The following MMUT variants were observed in gnomAD, a reference collection of about 807,000 sequenced individuals.
MMUT encodes the protein methylmalonyl-CoA mutase, also known as methylmalonyl-CoA mutase, mitochondrial.
Under a neutral mutation model 79.9 loss-of-function variants are expected in MMUT, and 79 were observed. The observed-to-expected ratio is 0.99, with a 90% CI of 0.82 to 1.19. The LOEUF (loss-of-function observed/expected upper bound fraction) is 1.19, where lower values mean the gene tolerates loss of function less well. Ranked by LOEUF, MMUT falls within the 50% of genes most tolerant of loss-of-function variation. The probability of loss-of-function intolerance (pLI) is 0.00; values close to 1 mark genes in which losing one functional copy is unlikely to be tolerated. For missense variants in MMUT, 860 were observed against 917.2 expected, an observed-to-expected ratio of 0.94 and a Z score of 0.81; for synonymous variants, 273 against 295.7, an observed-to-expected ratio of 0.92 and a Z score of 0.79.
chr6:49,432,533 G>A (rs908276951), intron 12 of MMUT, among the ~76,000 whole-genome samples: 7 of 151,894 alleles, frequency 4.6e-5, no homozygotes, highest in Non-Finnish European at 7.4e-5. Flanking sequence ...GGCTACAGGC[G>A]CCCGCCACCA....
intron 8 of MMUT, among the ~76,000 whole-genome samples, chr6:49,446,139 GA>G (rs2127416394): frequency 6.6e-6 from 1 of 151,848 alleles, no homozygotes; most frequent in East Asian, 1.9e-4. Flanking sequence ...TTCAGGGAGT[GA>G]AAACAGATGC....
chr6:49,436,521 C>T (rs375162851), intron 11 of MMUT, among the ~76,000 whole-genome samples: 1 of 151,186 alleles, frequency 6.6e-6, no homozygotes, highest in East Asian at 1.9e-4. Context: ...AGAAGACTCA[C>T]TTGAACCCAG....
chr6:49,436,869 A>G lies in MMUT; in HGVS notation c.1957-1246T>C, dbSNP rs918548950. Among the ~76,000 whole-genome samples the G allele has an allele frequency of 2.6e-5, 4 of 152,154 alleles. No individual in the cohort carries two copies. The South Asian group carries it at 8.3e-4, about 32-fold the overall frequency. ...CAAATACCACATGTTCTTTCTTATA[A>G]TTGGGAGCTAAATTATGAGAACACA... On this transcript the variant is annotated intron_variant, in intron 11 of 12. Coordinates refer to ENST00000274813, the MANE Select transcript of MMUT (RefSeq NM_000255.4).
chr6:49,438,832 T>C (rs1462965163), intron 11 of MMUT, among the ~76,000 whole-genome samples: 1 of 152,080 alleles, frequency 6.6e-6, no homozygotes, highest in Admixed American at 6.6e-5. Context: ...GAGACTGATC[T>C]AACCTCCAAG....
At chr6:49,454,128 C>G (rs1397773418) in intron 4 of MMUT, among the ~76,000 whole-genome samples, 6 of 152,080 alleles carry the variant, frequency 3.9e-5, no homozygotes, top group Non-Finnish European at 8.8e-5. Context: ...AGCAAATTTG[C>G]TTTGTTTAGC....
chr6:49,443,820 G>C (rs1767341019), intron 9 of MMUT: 1 of 437,792 alleles, frequency 2.3e-6, no homozygotes, highest in Non-Finnish European at 4.6e-6. Flanking sequence ...CACTGAAGCA[G>C]ATATAACATG....
chr6:49,442,422 C>A (rs1767301136), intron 9 of MMUT, among the ~76,000 whole-genome samples: 2 of 152,086 alleles, frequency 1.3e-5, no homozygotes. Context: ...TCTATATCTA[C>A]TATAGCGATA....
intron 11 of MMUT, among the ~76,000 whole-genome samples, chr6:49,439,263 C>A (rs558930639): frequency 6.6e-6 from 1 of 152,162 alleles, no homozygotes; most frequent in African/African-American, 2.4e-5. Context: ...GTCAAACATT[C>A]AGTTTCCACC....
intron 9 of MMUT, among the ~76,000 whole-genome samples, chr6:49,442,461 A>T (rs563603686): frequency 2.1e-4 from 32 of 152,240 alleles, no homozygotes; most frequent in African/African-American, 6.7e-4. Context: ...AAGAAAAAGT[A>T]CTTGTTCTTA....
chr6:49,440,200 T>C lies in MMUT; in HGVS notation c.1956+6A>G. ...TTTTGAAATTCCCCCCAACAGTTTT[T>C]AGTACCTGGAAAAGAGGGCCTATGT... On this transcript the variant is annotated splice_donor_region_variant and intron_variant, in intron 11 of 12. Transcript: ENST00000274813. 1 of 1,614,024 alleles carries C rather than the reference T, an allele frequency of 6.2e-7. No homozygotes were observed. Among genetic ancestry groups the C allele is most frequent in the East Asian group, 2.2e-5 (1 of 44,870 alleles).
rs57922774 is a variant in MMUT, at chr6:49,445,034, CAT to C, written c.1561-282_1561-281del. Among the ~76,000 whole-genome samples, 16,752 of 151,974 alleles carry C rather than the reference CAT, an allele frequency of 0.11. 917 individuals carry two copies. Among genetic ancestry groups the C allele is most frequent in the African/African-American group, 0.12 (5,016 of 41,452 alleles). ...ATAGTGCTGACCTTCCCAAGTAGCACATGTTACTTAGGCTTTTCTAAAGTACC... is the reference window on the plus strand; with the variant it reads ...ATAGTGCTGACCTTCCCAAGTAGCACGTTACTTAGGCTTTTCTAAAGTACC... On this transcript the variant is annotated intron_variant, in intron 8 of 12. Transcript: ENST00000274813.
intron 11 of MMUT, 84 bp from the exon 12 acceptor site, chr6:49,435,707 C>T (rs568847350): frequency 2.9e-6 from 4 of 1,393,444 alleles, no homozygotes; most frequent in East Asian, 2.5e-5. Flanking sequence ...CTAGGCAATA[C>T]CATTCAGAAC....
In MMUT at chr6:49,459,090, T is replaced by C; in HGVS notation, c.377A>G (p.Asn126Ser). The C allele has an allele frequency of 6.2e-7, 1 of 1,614,114 alleles. No individual in the cohort carries two copies. The highest frequency in any genetic ancestry group is 8.5e-7 in the Non-Finnish European group (1 of 1,179,978). ...VEESNKFYKD[N>S]IKAGQQGLSV... ...TTACATTAAAATCTCACCCTTAATGTTGTCCTTATAGAACTTATTGCTTTC... is the reference window on the plus strand; with the variant it reads ...TTACATTAAAATCTCACCCTTAATGCTGTCCTTATAGAACTTATTGCTTTC... Residue 126 changes from asparagine to serine, a missense_variant, in exon 2 of 13, where the codon AAC becomes AGC. Transcript: ENST00000274813.
intron 9 of MMUT, chr6:49,443,832 G>T (rs895909753): frequency 4.7e-6 from 2 of 428,518 alleles, no homozygotes; most frequent in Non-Finnish European, 9.3e-6. Context: ...TATAACATGA[G>T]ATTAGATTCT....
chr6:49,433,826 TAGTG>T (rs1446679815), intron 12 of MMUT, among the ~76,000 whole-genome samples: 3 of 152,122 alleles, frequency 2.0e-5, no homozygotes, highest in Admixed American at 1.3e-4. Context: ...TGCAAACAAA[TAGTG>T]AGAAAATACA....
At chr6:49,452,128 G>T (rs912782763) in intron 5 of MMUT, among the ~76,000 whole-genome samples, 19 of 152,102 alleles carry the variant, frequency 1.2e-4, no homozygotes, top group African/African-American at 4.3e-4. Context: ...TAATAAAATA[G>T]ATGAACAATG....
chr6:49,453,815 T>G, intron 4 of MMUT, 59 bp from the exon 5 acceptor site: 1 of 1,391,626 alleles, frequency 7.2e-7, no homozygotes, highest in Non-Finnish European at 1.0e-6. Flanking sequence ...GAGCAGAAAA[T>G]AAAACTAATT....
rs776176938 is a variant in MMUT, at chr6:49,431,850, C to A, written c.2131G>T (p.Glu711Ter). ...CGGVIPPQDY[E>*]FLFEVGVSNV... Reference sequence around the variant, plus strand: ...GAAACACCAACTTCAAACAGAAATTCATAATCCTGTTGAAAGAATGTGTTT... The same window carrying A: ...GAAACACCAACTTCAAACAGAAATTAATAATCCTGTTGAAAGAATGTGTTT... The change falls in exon 13 of 13, where the codon GAA becomes TAA. Residue 711 changes from glutamate to a stop codon, truncating the protein, a stop_gained. Coordinates refer to ENST00000274813, the MANE Select transcript of MMUT (RefSeq NM_000255.4). LOFTEE classifies it high-confidence loss of function. The A allele has an allele frequency of 1.2e-6, 2 of 1,613,408 alleles. No homozygotes were observed. The highest frequency in any genetic ancestry group is 2.2e-5 in the East Asian group (1 of 44,848).
At position 49,435,616 on chromosome 6, in the gene MMUT, C is replaced by T. The variant is rs567485663; in HGVS notation, c.1964G>A (p.Arg655His). The T allele has an allele frequency of 3.7e-6, 6 of 1,613,418 alleles. No individual in the cohort carries two copies. In the African/African-American group the frequency reaches 4.0e-5, roughly 11 times the overall value. Reference sequence around the variant, plus strand: ...ATCCACAGCCTGCTGGGCCACTTCACGAGGAGTCTAAACAGTCAGAAAGTA... The same window carrying T: ...ATCCACAGCCTGCTGGGCCACTTCATGAGGAGTCTAAACAGTCAGAAAGTA... Reference protein sequence around the residue: ...VDIGPLFQTPREVAQQAVDAD... With the variant: ...VDIGPLFQTPHEVAQQAVDAD... Residue 655 changes from arginine (R) to histidine (H), a missense_variant, in exon 12 of 13, where the codon CGT becomes CAT. Coordinates refer to ENST00000274813, the MANE Select transcript of MMUT (RefSeq NM_000255.4).
Sources: allele counts gnomAD v4.1 joint callset (sites outside exome capture counted in the v4.1 genomes callset), GRCh38; gene constraint gnomAD v4.1.1; transcripts MANE v1.5; gene names NCBI Gene and HGNC (gene_info 2026-07-23, HGNC 2026-07-21).